Variants in DGKD observed in about 807,000 individuals in gnomAD.
DGKD encodes the protein DAG kinase delta.
DGKD carries 68 observed loss-of-function variants against 154.4 expected under a neutral mutation model. That is an observed-to-expected ratio of 0.44 (90% CI 0.36 to 0.54). The LOEUF (loss-of-function observed/expected upper bound fraction) is 0.54, where lower values mean the gene tolerates loss of function less well. DGKD is among the 20% of genes least tolerant of loss of function. The pLI is 0.00. For synonymous variants in DGKD, 693 were observed against 638.0 expected, an observed-to-expected ratio of 1.09 and a Z score of -1.30; for missense variants, 1,343 against 1,593.6, an observed-to-expected ratio of 0.84 and a Z score of 2.68.
At chr2:233,448,431 G>C (rs2063156379) in intron 14 of DGKD, 56 bp downstream of exon 14, 17 of 1,535,522 alleles carry the variant, frequency 1.1e-5, no homozygotes, top group Non-Finnish European at 1.5e-5. Context: ...AGCTTGCTCT[G>C]TCACCAGCAG....
At position 233,452,620 on chromosome 2, in the gene DGKD, T is replaced by C. The variant is rs2063330701; in HGVS notation, c.2264+560T>C. On this transcript the variant is annotated intron_variant, in intron 18 of 29. Coordinates refer to ENST00000264057, the MANE Select transcript of DGKD (RefSeq NM_152879.3). This position sits in a 1 kb window ranked among gnomAD's most constrained non-coding sequence, Gnocchi z 4.0. ...AGGCTTATAAGGGCTGCTGCGTGCC[T>C]GCGTGCTGATACTGCTACTCCTTGG... 6.6e-6 allele frequency among the ~76,000 whole-genome samples: 1 copy of C among 152,218 alleles called. No homozygotes were observed. Among genetic ancestry groups the C allele is most frequent in the South Asian group, 2.1e-4 (1 of 4,834 alleles).
intron 3 of DGKD, among the ~76,000 whole-genome samples, chr2:233,396,973 G>GC (rs1559501164): frequency 6.6e-5 from 8 of 120,600 alleles, no homozygotes; most frequent in South Asian, 3.0e-4. Context: ...CAGGGTGGCT[G>GC]GGGGGGGCAG....
rs1010742705 is a variant in DGKD, at chr2:233,449,349, C to T, written c.1861C>T (p.Arg621Cys). The change falls in exon 15 of 30, where the codon CGT (arginine) becomes TGT (cysteine). Residue 621 changes from arginine to cysteine, a missense_variant. By Grantham distance (180) the Arg-to-Cys change is radical (BLOSUM62 -3). Transcript: ENST00000264057. The surrounding 1 kb of genome is among the most constrained non-coding windows in gnomAD (Gnocchi z 5.3). ...LRANSLKKAI[R>C]QIIEHTEKAV... ...AGCCAACAGCCTGAAGAAAGCAATTCGTCAGATCATAGAACACACAGAAAA... is the reference window on the plus strand; with the variant it reads ...AGCCAACAGCCTGAAGAAAGCAATTTGTCAGATCATAGAACACACAGAAAA... 6 of 1,604,814 alleles carry T rather than the reference C, an allele frequency of 3.7e-6. No individual in the cohort carries two copies. The highest frequency in any genetic ancestry group is 1.3e-5 in the African/African-American group (1 of 74,796).
chr2:233,397,006 C>G (rs140848177), intron 3 of DGKD, among the ~76,000 whole-genome samples: 43 of 21,354 alleles, frequency 2.0e-3, no homozygotes, highest in African/African-American at 0.011. Context: ...CCAGAGGGGA[C>G]CAGGGTGGCT....
chr2:233,414,621 C>T (rs1029834526), intron 3 of DGKD, among the ~76,000 whole-genome samples: 3 of 152,172 alleles, frequency 2.0e-5, no homozygotes, highest in South Asian at 2.1e-4. Context: ...TCTCAGGTAT[C>T]GTGGTCCTGG....
intron 1 of DGKD, among the ~76,000 whole-genome samples, chr2:233,362,943 C>A (rs1427321836): frequency 6.6e-6 from 1 of 152,166 alleles, no homozygotes; most frequent in African/African-American, 2.4e-5. Context: ...CTGGTGTAAA[C>A]AGACCTACTG....
At chr2:233,468,978 G>A (rs2063916405) in intron 29 of DGKD, among the ~76,000 whole-genome samples, 1 of 152,202 alleles carries the variant, frequency 6.6e-6, no homozygotes, top group African/African-American at 2.4e-5. Context: ...CATCTTGCAG[G>A]CCCATGCCCC....
At chr2:233,429,343 A>T in intron 3 of DGKD, 1 of 984,276 alleles carries the variant, frequency 1.0e-6, no homozygotes, top group Non-Finnish European at 1.2e-6. Flanking sequence ...ATGCTGACAA[A>T]AGTGTTCAAA....
Position 233,441,998 on chromosome 2 carries a change from ACCAGGACAGGAGGGAGCCCAG to A in DGKD, c.1194+10_1194+30del. ...ACAGCCTCAACCTTCATAAACAGGTACCAGGACAGGAGGGAGCCCAGCCAGGAGCAGAGAGGGTGCGGAGGT... is the reference window on the plus strand; with the variant it reads ...ACAGCCTCAACCTTCATAAACAGGTACCAGGAGCAGAGAGGGTGCGGAGGT... On this transcript the variant is annotated splice_donor_5th_base_variant and intron_variant, in intron 10 of 29. Coordinates refer to ENST00000264057, the MANE Select transcript of DGKD (RefSeq NM_152879.3). The surrounding 1 kb of genome is among the most constrained non-coding windows in gnomAD (Gnocchi z 5.6). 2 of 1,613,852 alleles carry A rather than the reference ACCAGGACAGGAGGGAGCCCAG, an allele frequency of 1.2e-6. No individual in the cohort carries two copies. The highest frequency in any genetic ancestry group is 1.7e-6 in the Non-Finnish European group (2 of 1,179,752).
chr2:233,443,626 G>A (rs1027554531), intron 10 of DGKD, among the ~76,000 whole-genome samples: 3 of 152,200 alleles, frequency 2.0e-5, no homozygotes, highest in African/African-American at 7.2e-5. Flanking sequence ...CAGTGATTCT[G>A]TGGTGCCTAC....
At chr2:233,375,773 C>T (rs559942984) in intron 1 of DGKD, among the ~76,000 whole-genome samples, 5 of 151,924 alleles carry the variant, frequency 3.3e-5, no homozygotes, top group Admixed American at 1.3e-4. Context: ...AAGTAGAGAC[C>T]GTTGAATTAA....
Position 233,441,075 on chromosome 2 carries a change from G to A in DGKD, c.1086-812G>A, listed in dbSNP as rs1313616252. 6.6e-6 allele frequency among the ~76,000 whole-genome samples: 1 copy of A among 152,218 alleles called. No individual in the cohort carries two copies. The highest frequency in any genetic ancestry group is 1.5e-5 in the Non-Finnish European group (1 of 68,040). On this transcript the variant is annotated intron_variant, in intron 9 of 29. Transcript: ENST00000264057. The surrounding 1 kb of genome is among the most constrained non-coding windows in gnomAD (Gnocchi z 5.6). ...TTCTGGAGGACAGGTGCAAGTGTTGGCTTTCAGGAGTGGCCTGGGGGCTGT... is the reference window on the plus strand; with the variant it reads ...TTCTGGAGGACAGGTGCAAGTGTTGACTTTCAGGAGTGGCCTGGGGGCTGT...
At chr2:233,379,072 A>G (rs1422899221) in intron 1 of DGKD, among the ~76,000 whole-genome samples, 4 of 152,172 alleles carry the variant, frequency 2.6e-5, no homozygotes, top group African/African-American at 9.7e-5. Context: ...CGTGATTAAG[A>G]TAAATAAACC....
chr2:233,458,304 C>A lies in DGKD; in HGVS notation c.2601C>A (p.Phe867Leu). 1 of 1,612,494 alleles carries A rather than the reference C, an allele frequency of 6.2e-7. No individual in the cohort carries two copies. Among genetic ancestry groups the A allele is most frequent in the Non-Finnish European group, 8.5e-7 (1 of 1,179,438 alleles). The stretch of plus-strand genomic sequence containing the variant: ...TGCAGACTTTCGCAGCTCCATCATT[C>A]GATGACAAGATTCTGGAGGTGGTCG... The part of the protein sequence containing the change: ...KEDDTFAAPS[F>L]DDKILEVVAV... The change falls in exon 22 of 30, where the codon TTC (phenylalanine) becomes TTA (leucine). Residue 867 changes from phenylalanine to leucine, a missense_variant. Phe to Leu is a conservative substitution (Grantham distance 22). Coordinates refer to ENST00000264057, the MANE Select transcript of DGKD (RefSeq NM_152879.3). The surrounding 1 kb of genome is among the most constrained non-coding windows in gnomAD (Gnocchi z 6.6).
chr2:233,397,205 G>GTA (rs2061424384), intron 3 of DGKD, among the ~76,000 whole-genome samples: 2 of 3,550 alleles, frequency 5.6e-4, no homozygotes, highest in African/African-American at 2.7e-3. Flanking sequence ...AGGGTGGCTG[G>GTA]GGGGGGGGGG....
intron 24 of DGKD, 42 bp from the exon 25 acceptor site, chr2:233,462,306 C>T (rs1327062787): frequency 1.3e-6 from 2 of 1,515,892 alleles, no homozygotes; most frequent in South Asian, 1.2e-5. Flanking sequence ...GGCTGCCCTT[C>T]CATTTGGCCT....
Position 233,470,578 on chromosome 2 carries a change from T to C in DGKD, c.*1118T>C, listed in dbSNP as rs2063980250. 1 of 152,428 alleles carries C rather than the reference T, an allele frequency of 6.6e-6. No individual in the cohort carries two copies. Among genetic ancestry groups the C allele is most frequent in the Non-Finnish European group, 1.5e-5 (1 of 68,210 alleles). The allele number at this position is 152,428 out of a possible 1,614,324, so 9.4% of individuals were successfully genotyped here. A position where few individuals can be genotyped will look rare whatever the true frequency, so the allele number is the denominator to read the frequency against. On this transcript the variant is annotated 3_prime_UTR_variant, in exon 30 of 30. Transcript: ENST00000264057. ...GTCCTGGCTCTGAACTAGTAGATGA[T>C]GGTGCCAGAGGGCAGGGAGCTCGCC...
chr2:233,385,549 T>C (rs1703125801), intron 1 of DGKD, among the ~76,000 whole-genome samples: 1 of 152,222 alleles, frequency 6.6e-6, no homozygotes, highest in African/African-American at 2.4e-5. Flanking sequence ...AAAGTGACTC[T>C]AAGAGCCCGG....
intron 1 of DGKD, among the ~76,000 whole-genome samples, chr2:233,382,825 A>G (rs1391733330): frequency 6.6e-6 from 1 of 152,208 alleles, no homozygotes; most frequent in Non-Finnish European, 1.5e-5. Context: ...ATAAGTTGTG[A>G]AGCACAGTCA....
Sources: allele counts gnomAD v4.1 joint callset (sites outside exome capture counted in the v4.1 genomes callset), GRCh38; gene constraint gnomAD v4.1.1; non-coding constraint Gnocchi (gnomAD v3.1); transcripts MANE v1.5; gene names NCBI Gene and HGNC (gene_info 2026-07-23, HGNC 2026-07-21).